ARHGAP39: variants seen among roughly 807,000 people sequenced by gnomAD.
ARHGAP39 encodes the protein Rho GTPase activating protein 39.
Under a neutral mutation model 106.9 loss-of-function variants are expected in ARHGAP39, and 44 were observed. That is an observed-to-expected ratio of 0.41 (90% CI 0.32 to 0.53). The LOEUF is 0.53. Ranked by LOEUF, ARHGAP39 falls within the 20% of genes least tolerant of loss-of-function variation. The pLI is 0.21. For missense variants in ARHGAP39, 1,496 were observed against 1,577.3 expected (o/e 0.95, Z 0.87); for synonymous variants, 768 against 693.2 (o/e 1.11, Z -1.69).
At chr8:144,628,157 G>A (rs1247646330) in intron 1 of ARHGAP39, among the ~76,000 whole-genome samples, 5 of 152,196 alleles carry the variant, frequency 3.3e-5, no homozygotes, top group Non-Finnish European at 5.9e-5. Context: ...CAGAGACAGC[G>A]TCCTCAGAGA....
In ARHGAP39 at chr8:144,555,628, T is replaced by G. The variant is rs1186496022; in HGVS notation, c.528A>C (p.Gly176=). ...TCTCATAGTCCTTCTCAAGGAACAC[T>G]CCTGGTGGTGAAGAGCTGAAACACA... ...KEDSGSSSPP[G]VFLEKDYEIY... is the part of the protein sequence containing the mutation. Residue 176 remains glycine, a synonymous_variant, in exon 4 of 12, where the codon GGA becomes GGC. Transcript: ENST00000377307. 6.2e-7 allele frequency: 1 copy of G among 1,613,792 alleles called. No individual in the cohort carries two copies.
At chr8:144,579,877 C>A (rs981578996) in intron 3 of ARHGAP39, among the ~76,000 whole-genome samples, 1 of 152,150 alleles carries the variant, frequency 6.6e-6, no homozygotes, top group Non-Finnish European at 1.5e-5. Context: ...TCCAGCCTCT[C>A]CTCCATCCTC....
At chr8:144,582,131 C>A (rs1819015073) in intron 2 of ARHGAP39, among the ~76,000 whole-genome samples, 1 of 152,052 alleles carries the variant, frequency 6.6e-6, no homozygotes, top group South Asian at 2.1e-4. Flanking sequence ...CCCAGGGGCT[C>A]AACAGAAGGG....
chr8:144,661,359 C>T (rs1821817854), intron 1 of ARHGAP39, among the ~76,000 whole-genome samples: 1 of 152,232 alleles, frequency 6.6e-6, no homozygotes, highest in Non-Finnish European at 1.5e-5. Context: ...GGGCTCCACA[C>T]ACCAGCCACC....
At chr8:144,574,398 T>C (rs7014334) in intron 3 of ARHGAP39, among the ~76,000 whole-genome samples, 18,729 of 152,034 alleles carry the variant, frequency 0.12, 2,980 homozygotes, top group African/African-American at 0.37. Context: ...AGGCTGGGTG[T>C]GGTGGCTCAT....
intron 1 of ARHGAP39, among the ~76,000 whole-genome samples, chr8:144,636,110 G>C (rs1364425088): frequency 2.0e-5 from 3 of 151,950 alleles, no homozygotes; most frequent in Non-Finnish European, 2.9e-5. Flanking sequence ...TGAATTAGAG[G>C]GGGGCTGAAT....
intron 3 of ARHGAP39, among the ~76,000 whole-genome samples, chr8:144,568,140 T>C (rs1485345826): frequency 2.0e-5 from 3 of 152,032 alleles, no homozygotes; most frequent in Non-Finnish European, 4.4e-5. Flanking sequence ...GAGATCAGCC[T>C]GGCCAACATG....
Position 144,532,245 on chromosome 8 carries a change from C to A in ARHGAP39, c.2980+60G>T, listed in dbSNP as rs1289790857. ...TGGACCCCAGAGGCGGAGACAGGGG[C>A]CCCTGAGAACCACTGCCTGAGCCAG... is the stretch of plus-strand genomic sequence containing the variant. On this transcript the variant is annotated intron_variant, in intron 10 of 11. Coordinates refer to ENST00000377307, the MANE Select transcript of ARHGAP39 (RefSeq NM_025251.3). 8 of 1,513,138 alleles carry A rather than the reference C, an allele frequency of 5.3e-6. No homozygotes were observed. The African/African-American group carries it at 9.6e-5, about 18-fold the overall frequency. The allele number at this position is 1,513,138 out of a possible 1,614,324, so 93.7% of individuals were successfully genotyped here. A position where few individuals can be genotyped will look rare whatever the true frequency, so the allele number is the denominator to read the frequency against.
chr8:144,531,199 A>T, intron 10 of ARHGAP39, among the ~76,000 whole-genome samples: 1 of 147,372 alleles, frequency 6.8e-6, no homozygotes, highest in Non-Finnish European at 1.5e-5. Flanking sequence ...AGAGAGCAGC[A>T]GGTGGGGAGT....
chr8:144,557,888 G>A (rs1818004332), intron 3 of ARHGAP39, among the ~76,000 whole-genome samples: 1 of 152,140 alleles, frequency 6.6e-6, no homozygotes, highest in Admixed American at 6.5e-5. Context: ...CAATGCAACT[G>A]GACAAGAAAA....
rs1820265982 is a variant in ARHGAP39, at chr8:144,605,731, A to G, written c.-81-36T>C. ...GGAGAAGCAACAGTGCTGATATGGA[A>G]GACGCCTCACCACACCAATCACCCG... On this transcript the variant is annotated intron_variant, in intron 1 of 11. Transcript: ENST00000377307. 5.1e-6 allele frequency: 5 copies of G among 976,454 alleles called. No individual in the cohort carries two copies. The Admixed American group carries it at 9.8e-5, about 19-fold the overall frequency. The allele number at this position is 976,454 out of a possible 1,614,324, so 60.5% of individuals were successfully genotyped here. A position where few individuals can be genotyped will look rare whatever the true frequency, so the allele number is the denominator to read the frequency against.
chr8:144,600,795 T>C (rs1819865800), intron 2 of ARHGAP39, among the ~76,000 whole-genome samples: 2 of 146,204 alleles, frequency 1.4e-5, no homozygotes, highest in South Asian at 4.3e-4. Context: ...GCGCGTGAGC[T>C]CATCTACCTA....
rs373856984 is a variant in ARHGAP39 at position 144,666,636 on chromosome 8, C to T, written c.-82+19050G>A. Among the ~76,000 whole-genome samples the T allele has an allele frequency of 5.3e-5, 8 of 152,136 alleles. No individual in the cohort carries two copies. In the East Asian group the frequency reaches 7.7e-4, roughly 15 times the overall value. On this transcript the variant is annotated intron_variant, in intron 1 of 11. Coordinates refer to ENST00000377307, the MANE Select transcript of ARHGAP39 (RefSeq NM_025251.3). ...CTTCTTTCTCATTTTCTCTTGCTGC[C>T]GCCATGTAAGATGTGACCTTCACCT... is the stretch of plus-strand genomic sequence containing the variant.
chr8:144,582,483 T>C (rs529353333), intron 2 of ARHGAP39, among the ~76,000 whole-genome samples: 74 of 152,328 alleles, frequency 4.9e-4, no homozygotes, highest in African/African-American at 1.7e-3. Context: ...CTGGGTCTGT[T>C]TCTTGCTGAT....
At position 144,529,572 on chromosome 8, in the gene ARHGAP39, G is replaced by A. The variant is rs1816568839; in HGVS notation, c.*850C>T. The A allele has an allele frequency of 6.6e-6, 1 of 152,216 alleles. No homozygotes were observed. Among genetic ancestry groups the A allele is most frequent in the South Asian group, 2.1e-4 (1 of 4,836 alleles). 9.4% of individuals were successfully genotyped at this position (152,216 alleles called of 1,614,324 possible). ...GGTCAGAAGCCAAGAAAAAAGATCG[G>A]AGAAGAAAAGAAGGAATGACCTCAA... On this transcript the variant is annotated 3_prime_UTR_variant, in exon 12 of 12. Coordinates refer to ENST00000377307, the MANE Select transcript of ARHGAP39 (RefSeq NM_025251.3).
rs1254022207 is a variant in ARHGAP39, at chr8:144,530,395, C to A, written c.*27G>T. 2.6e-6 allele frequency: 4 copies of A among 1,567,672 alleles called. No homozygotes were observed. The African/African-American group carries it at 5.4e-5, about 21-fold the overall frequency. On this transcript the variant is annotated 3_prime_UTR_variant, in exon 12 of 12. Transcript: ENST00000377307. ...TTCGGCCTGGCTGGGGGCGGCAGGA[C>A]ATCCCTCCTGTCCCCGGGCGCCCCC...
chr8:144,545,860 C>A, intron 5 of ARHGAP39, 50 bp from the exon 6 acceptor site: 2 of 1,431,914 alleles, frequency 1.4e-6, no homozygotes, highest in Non-Finnish European at 1.8e-6. Context: ...GAGGGCCAGG[C>A]AGGTGGGCCC....
intron 3 of ARHGAP39, among the ~76,000 whole-genome samples, chr8:144,562,859 G>A (rs978029959): frequency 6.6e-6 from 1 of 152,078 alleles, no homozygotes; most frequent in African/African-American, 2.4e-5. Context: ...CACTCCAGTG[G>A]TTTCCACAGA....
chr8:144,605,464 C>G, intron 2 of ARHGAP39, 71 bp downstream of exon 2: 1 of 1,498,768 alleles, frequency 6.7e-7, no homozygotes, highest in Middle Eastern at 1.7e-4. Flanking sequence ...ACACTGCTTT[C>G]TCTGCAGGAA....
Sources: gnomAD v4.1 joint callset for allele counts (sites outside exome capture counted in the v4.1 genomes callset) on GRCh38, gnomAD v4.1.1 for gene constraint, MANE v1.5 for transcripts, NCBI Gene and HGNC (gene_info 2026-07-23, HGNC 2026-07-21) for gene names.